The following PTPRG variants were observed in gnomAD, a reference collection of about 807,000 sequenced individuals.
The protein encoded by PTPRG is receptor-type tyrosine-protein phosphatase gamma.
A neutral mutation model predicts 165.3 loss-of-function variants in PTPRG; 102 were observed. The ratio of observed to expected loss-of-function variants is 0.62; its 90% CI spans 0.53 to 0.73. PTPRG has a LOEUF of 0.73. PTPRG is among the 30% of genes least tolerant of loss of function. PTPRG has a pLI of 0.00. For synonymous variants in PTPRG, 675 were observed against 669.5 expected, an observed-to-expected ratio of 1.01 and a Z score of -0.13; for missense variants, 1,866 against 1,861.4, an observed-to-expected ratio of 1.00 and a Z score of -0.05.
At chr3:61,767,133 A>T (rs2034046540) in intron 2 of PTPRG, among the ~76,000 whole-genome samples, 1 of 151,562 alleles carries the variant, frequency 6.6e-6, no homozygotes, top group South Asian at 2.1e-4. Context: ...AGTCCCAGCT[A>T]CTTGAGAGGC....
chr3:62,088,812 A>G (rs1701836311), intron 5 of PTPRG, among the ~76,000 whole-genome samples: 1 of 152,220 alleles, frequency 6.6e-6, no homozygotes. Context: ...TTACAGCACT[A>G]CACAGTTTCC....
At chr3:61,780,706 C>T (rs558891580) in intron 2 of PTPRG, among the ~76,000 whole-genome samples, 1 of 152,304 alleles carries the variant, frequency 6.6e-6, no homozygotes, top group African/African-American at 2.4e-5. Flanking sequence ...TGATCTGCCA[C>T]ACCCCATGAG....
At chr3:62,143,160 A>AT (rs2106649168) in intron 6 of PTPRG, among the ~76,000 whole-genome samples, 1 of 152,330 alleles carries the variant, frequency 6.6e-6, no homozygotes, top group South Asian at 2.1e-4. Context: ...AAGTGAAGAC[A>AT]TATTGAACAG....
rs188558685 is a variant in PTPRG, at chr3:62,026,790, G to A, written c.519+23293G>A. On this transcript the variant is annotated intron_variant, in intron 4 of 29. Coordinates refer to ENST00000474889, the MANE Select transcript of PTPRG (RefSeq NM_002841.4). ...AGTCCCAGCTACTCAGGAGTCTGAG[G>A]CAGGAGAATCGCTTGAACCCGGGAG... Among the ~76,000 whole-genome samples, 574 of 150,656 alleles carry A rather than the reference G, an allele frequency of 3.8e-3. 1 individual carries two copies. The highest frequency in any genetic ancestry group is 5.3e-3 in the Non-Finnish European group (360 of 67,866).
chr3:62,250,373 T>C (rs1424042799), intron 15 of PTPRG, among the ~76,000 whole-genome samples: 1 of 152,220 alleles, frequency 6.6e-6, no homozygotes, highest in Non-Finnish European at 1.5e-5. Flanking sequence ...TCAGTTTTAC[T>C]GAGTTACATG....
intron 2 of PTPRG, among the ~76,000 whole-genome samples, chr3:61,922,990 G>A (rs2039116959): frequency 6.6e-6 from 1 of 152,078 alleles, no homozygotes; most frequent in South Asian, 2.1e-4. Flanking sequence ...ATTCCCTTAT[G>A]CCCCACTACG....
chr3:61,650,133 T>TC (rs1453681825), intron 1 of PTPRG, among the ~76,000 whole-genome samples: 2 of 152,190 alleles, frequency 1.3e-5, no homozygotes, highest in Non-Finnish European at 2.9e-5. Context: ...GTACTTTTTT[T>TC]CCCCTGTACA....
chr3:61,894,038 T>A (rs2038284862), intron 2 of PTPRG, among the ~76,000 whole-genome samples: 1 of 152,006 alleles, frequency 6.6e-6, no homozygotes, highest in Non-Finnish European at 1.5e-5. Context: ...TTAGAAATGG[T>A]CACGCCTCTA....
chr3:61,974,876 C>G (rs1414573759), intron 2 of PTPRG, among the ~76,000 whole-genome samples: 1 of 152,202 alleles, frequency 6.6e-6, no homozygotes, highest in African/African-American at 2.4e-5. Context: ...AGCTGTAAGA[C>G]ACAGACCTGA....
At chr3:61,916,935 T>C (rs2038952700) in intron 2 of PTPRG, among the ~76,000 whole-genome samples, 1 of 152,206 alleles carries the variant, frequency 6.6e-6, no homozygotes, top group Non-Finnish European at 1.5e-5. Flanking sequence ...GTCAAAATAA[T>C]AAGTCGAAAT....
chr3:62,218,021 G>A (rs550491210), intron 12 of PTPRG: 3 of 152,494 alleles, frequency 2.0e-5, no homozygotes, highest in East Asian at 3.9e-4. Flanking sequence ...GGAGCTTTTG[G>A]AAGGATCTGG....
chr3:62,124,182 A>G, intron 5 of PTPRG: 1 of 764,842 alleles, frequency 1.3e-6, no homozygotes, highest in Non-Finnish European at 2.2e-6. Context: ...TTGTGCAAAG[A>G]AAAAAAAGAA....
chr3:61,603,433 C>G (rs889546471), intron 1 of PTPRG, among the ~76,000 whole-genome samples: 4 of 152,166 alleles, frequency 2.6e-5, no homozygotes, highest in Non-Finnish European at 2.9e-5. Flanking sequence ...ATTGAAAGCT[C>G]CTTGAGGCTT....
chr3:61,862,502 C>G (rs2037298156), intron 2 of PTPRG, among the ~76,000 whole-genome samples: 1 of 151,776 alleles, frequency 6.6e-6, no homozygotes, highest in Non-Finnish European at 1.5e-5. Context: ...ATTGTCCTGC[C>G]TCAGCCTCCC....
At chr3:62,115,405 T>A (rs1437766916) in intron 5 of PTPRG, among the ~76,000 whole-genome samples, 1 of 151,802 alleles carries the variant, frequency 6.6e-6, no homozygotes, top group African/African-American at 2.4e-5. Flanking sequence ...TATCAAGAGG[T>A]TTTCAAGGGT....
intron 5 of PTPRG, among the ~76,000 whole-genome samples, chr3:62,116,117 C>G (rs1003759512): frequency 6.6e-6 from 1 of 152,114 alleles, no homozygotes; most frequent in African/African-American, 2.4e-5. Flanking sequence ...GTTACTTGCC[C>G]AAAGTCAACC....
chr3:61,677,589 T>A (rs984418835), intron 1 of PTPRG, among the ~76,000 whole-genome samples: 4 of 152,206 alleles, frequency 2.6e-5, no homozygotes, highest in Non-Finnish European at 5.9e-5. Context: ...AAGCCATAGA[T>A]CTAGGCCTGT....
In PTPRG at chr3:61,975,752, C is replaced by T. The variant is rs185569303; in HGVS notation, c.191-13873C>T. Among the ~76,000 whole-genome samples the T allele has an allele frequency of 4.8e-3, 725 of 152,178 alleles. 8 individuals carry two copies. Among genetic ancestry groups the T allele is most frequent in the African/African-American group, 0.014 (584 of 41,516 alleles). On this transcript the variant is annotated intron_variant, in intron 2 of 29. Transcript: ENST00000474889. Reference sequence around the variant, plus strand: ...CTCACAGTTGCATGTGTTTCTCCTCCATCAATGATCTGTTTAGCCCCTAAA... The same window carrying T: ...CTCACAGTTGCATGTGTTTCTCCTCTATCAATGATCTGTTTAGCCCCTAAA...
intron 1 of PTPRG, among the ~76,000 whole-genome samples, chr3:61,656,799 G>T (rs543964035): frequency 6.6e-6 from 1 of 152,046 alleles, no homozygotes; most frequent in African/African-American, 2.4e-5. Context: ...TTTTCGATTT[G>T]GGGCTACTAT....
Sources: gnomAD v4.1 joint callset for allele counts (sites outside exome capture counted in the v4.1 genomes callset) on GRCh38, gnomAD v4.1.1 for gene constraint, MANE v1.5 for transcripts, NCBI Gene and HGNC (gene_info 2026-07-23, HGNC 2026-07-21) for gene names.